Variants in RALY observed in about 807,000 individuals in gnomAD.
The protein encoded by RALY is RNA-binding protein Raly.
A neutral mutation model predicts 30.7 loss-of-function variants in RALY; 15 were observed. The observed-to-expected ratio is 0.49, with a 90% CI of 0.33 to 0.75. The LOEUF (loss-of-function observed/expected upper bound fraction) is 0.75. RALY is among the 30% of genes least tolerant of loss of function. The pLI, the probability that RALY is intolerant of heterozygous loss-of-function variation, is 0.02. For synonymous variants in RALY, 177 were observed against 170.8 expected (o/e 1.04, Z -0.28); for missense variants, 339 against 414.3 (o/e 0.82, Z 1.58).
intron 2 of RALY, among the ~76,000 whole-genome samples, chr20:34,055,023 A>T (rs2033198721): frequency 6.6e-6 from 1 of 152,214 alleles, no homozygotes; most frequent in South Asian, 2.1e-4. Context: ...TTCTCACAAC[A>T]GCCTTATGGA....
intron 1 of RALY, among the ~76,000 whole-genome samples, chr20:34,006,036 A>G (rs1485682157): frequency 6.6e-6 from 1 of 152,226 alleles, no homozygotes; most frequent in African/African-American, 2.4e-5. Context: ...AATTATGAAT[A>G]AAGATGCTAT....
intron 1 of RALY, among the ~76,000 whole-genome samples, chr20:34,013,830 A>G (rs1029138140): frequency 6.6e-6 from 1 of 152,200 alleles, no homozygotes; most frequent in Non-Finnish European, 1.5e-5. Flanking sequence ...GGCTTGGCAC[A>G]AATAGTACTT....
At chr20:34,017,254 G>C (rs1366008562) in intron 1 of RALY, among the ~76,000 whole-genome samples, 1 of 152,182 alleles carries the variant, frequency 6.6e-6, no homozygotes, top group African/African-American at 2.4e-5. Flanking sequence ...CAACCTACTG[G>C]CATAGGAAGG....
intron 1 of RALY, chr20:33,994,444 T>A (rs1399501465): frequency 6.6e-6 from 1 of 152,276 alleles, no homozygotes; most frequent in Non-Finnish European, 1.5e-5. Flanking sequence ...CGCTCGGAAG[T>A]TGGAGTCTTT....
At chr20:34,067,330 A>T (rs1030961528) in intron 2 of RALY, among the ~76,000 whole-genome samples, 1 of 146,762 alleles carries the variant, frequency 6.8e-6, no homozygotes. Flanking sequence ...TGCCCGGCTA[A>T]TTTTTTTTTT....
chr20:34,078,065 C>T (rs1568701971), intron 8 of RALY, among the ~76,000 whole-genome samples: 1 of 152,226 alleles, frequency 6.6e-6, no homozygotes, highest in Non-Finnish European at 1.5e-5. Context: ...GGGCTCATGG[C>T]CATGACGGTT....
chr20:33,996,395 A>C (rs745321962), intron 1 of RALY, among the ~76,000 whole-genome samples: 17 of 152,204 alleles, frequency 1.1e-4, no homozygotes, highest in Non-Finnish European at 2.2e-4. Context: ...AGCTAAATTT[A>C]TTAAGTACTT....
chr20:34,057,635 C>G (rs993382779), intron 2 of RALY, among the ~76,000 whole-genome samples: 2 of 146,574 alleles, frequency 1.4e-5, no homozygotes, highest in African/African-American at 4.9e-5. Context: ...CCACTGCACT[C>G]CAGCCTGGGC....
chr20:34,064,621 A>G (rs79220343), intron 2 of RALY, among the ~76,000 whole-genome samples: 15 of 151,916 alleles, frequency 9.9e-5, no homozygotes, highest in African/African-American at 3.1e-4. Context: ...TAGGCTCCCT[A>G]CTCCCTACCC....
chr20:33,995,053 T>C (rs1168841635), intron 1 of RALY, among the ~76,000 whole-genome samples: 1 of 152,174 alleles, frequency 6.6e-6, no homozygotes, highest in African/African-American at 2.4e-5. Context: ...TATCATCTCT[T>C]AGTGCAGAGG....
intron 2 of RALY, among the ~76,000 whole-genome samples, chr20:34,053,677 G>A (rs74547209): frequency 2.6e-5 from 4 of 152,066 alleles, no homozygotes; most frequent in South Asian, 4.1e-4. Context: ...GATTACAGGC[G>A]TGAGCCACCA....
At position 34,025,899 on chromosome 20, in the gene RALY, G is replaced by GTTTTTTT. The variant is rs35827160; in HGVS notation, c.-92-5607_-92-5601dup. 5.5e-4 allele frequency among the ~76,000 whole-genome samples: 42 copies of GTTTTTTT among 75,910 alleles called. 1 individual carries two copies. Among genetic ancestry groups the GTTTTTTT allele is most frequent in the South Asian group, 1.3e-3 (2 of 1,552 alleles). 49.8% of individuals were successfully genotyped at this position (75,910 alleles called of 152,430 possible). ...AGCTTCCAGCAGTAGATTCCTGGTT[G>GTTTTTTT]TTTTTTTTTTTTTTTTTTTTTTGTG... On this transcript the variant is annotated intron_variant, in intron 1 of 9. Transcript: ENST00000246194.
chr20:34,051,509 CAT>C (rs1482797080), intron 2 of RALY, among the ~76,000 whole-genome samples: 1 of 152,150 alleles, frequency 6.6e-6, no homozygotes, highest in Non-Finnish European at 1.5e-5. Flanking sequence ...CAGTACAGAA[CAT>C]GTGTTAGGAG....
intron 1 of RALY, among the ~76,000 whole-genome samples, chr20:34,020,888 C>T (rs1601422991): frequency 6.6e-6 from 1 of 152,070 alleles, no homozygotes; most frequent in South Asian, 2.1e-4. Flanking sequence ...GTAGAGAACA[C>T]CTGTCCTACC....
At chr20:34,013,455 A>T (rs1267187160) in intron 1 of RALY, among the ~76,000 whole-genome samples, 2 of 149,468 alleles carry the variant, frequency 1.3e-5, no homozygotes, top group African/African-American at 4.9e-5. Flanking sequence ...GACTTACAGT[A>T]TTTTCAGCTT....
In RALY at chr20:34,076,723, C is replaced by T. The variant is rs1379554140; in HGVS notation, c.566C>T (p.Ala189Val). Residue 189 changes from alanine to valine, a missense_variant, in exon 7 of 10, where the codon GCC becomes GTC. By Grantham distance (64) the Ala-to-Val change is moderately conservative. This residue lies in a region of RALY where 268 missense variants were observed against 280.6 expected (regional missense o/e 0.95). Coordinates refer to ENST00000246194, the MANE Select transcript of RALY (RefSeq NM_016732.3). ...CCAGTAAAGAGCAGTGAGCTGCAGG[C>T]CATCAAGACGGAGCTGACACAGATC... ...KIKLKSSELQ[A>V]IKTELTQIKS... The T allele has an allele frequency of 6.2e-7, 1 of 1,614,088 alleles. No homozygotes were observed. The highest frequency in any genetic ancestry group is 8.5e-7 in the Non-Finnish European group (1 of 1,180,012).
chr20:34,065,600 T>A (rs1489413112), intron 2 of RALY, among the ~76,000 whole-genome samples: 1 of 152,204 alleles, frequency 6.6e-6, no homozygotes, highest in Non-Finnish European at 1.5e-5. Flanking sequence ...TTTAATGAGA[T>A]TAATAGATGT....
intron 2 of RALY, among the ~76,000 whole-genome samples, chr20:34,054,215 C>CT (rs768967767): frequency 9.2e-5 from 14 of 152,170 alleles, no homozygotes; most frequent in Non-Finnish European, 2.1e-4. Flanking sequence ...ACCTAGGATT[C>CT]TTTCACCTGT....
intron 2 of RALY, among the ~76,000 whole-genome samples, chr20:34,056,219 C>G (rs1168647865): frequency 1.3e-5 from 2 of 152,198 alleles, no homozygotes; most frequent in Admixed American, 1.3e-4. Context: ...TGTGGGATCT[C>G]TGTCAAACTT....
Sources: gnomAD v4.1 joint callset for allele counts (sites outside exome capture counted in the v4.1 genomes callset) on GRCh38, gnomAD v4.1.1 for gene constraint, gnomAD v4.1.1 regional missense constraint, MANE v1.5 for transcripts, NCBI Gene and HGNC (gene_info 2026-07-23, HGNC 2026-07-21) for gene names.